Variants in LOXHD1 observed in about 807,000 individuals in gnomAD.
LOXHD1 encodes the protein lipoxygenase homology domain-containing protein 1.
In LOXHD1, 205 loss-of-function variants were observed where a neutral mutation model predicts 248.2. The observed-to-expected ratio is 0.83, with a 90% CI of 0.74 to 0.93. The LOEUF (loss-of-function observed/expected upper bound fraction) is 0.93, where lower values mean the gene tolerates loss of function less well. LOXHD1 is among the 40% of genes least tolerant of loss of function. LOXHD1 has a pLI of 0.00. For missense variants in LOXHD1, 2,930 were observed against 2,971.6 expected, an observed-to-expected ratio of 0.99 and a Z score of 0.33; for synonymous variants, 1,113 against 1,162.8, an observed-to-expected ratio of 0.96 and a Z score of 0.87.
chr18:46,645,917 T>C (rs2039023264), intron 2 of LOXHD1, among the ~76,000 whole-genome samples: 1 of 152,030 alleles, frequency 6.6e-6, no homozygotes, highest in Non-Finnish European at 1.5e-5. Flanking sequence ...GGATGAGACA[T>C]GACGAGAGAT....
At position 46,524,572 on chromosome 18, in the gene LOXHD1, G is replaced by A; in HGVS notation, c.4770C>T (p.Cys1590=). ...KEYTGDRSSN[C]SSPADFWEIA... ...TCTCCCAGAAGTCAGCAGGGCTGCT[G>A]CAGTTGCTGCTGCGGTCCCCAGTGT... Residue 1590 remains cysteine, a synonymous_variant, in exon 31 of 41, where the codon TGC becomes TGT. Transcript: ENST00000642948. 6.4e-7 allele frequency: 1 copy of A among 1,551,760 alleles called. No homozygotes were observed. The highest frequency in any genetic ancestry group is 8.7e-7 in the Non-Finnish European group (1 of 1,147,008).
At chr18:46,641,824 G>A (rs1486522217) in intron 3 of LOXHD1, 132 bp downstream of exon 3, 1 of 875,142 alleles carries the variant, frequency 1.1e-6, no homozygotes, top group Non-Finnish European at 1.8e-6. Flanking sequence ...GGATGACAGG[G>A]AAAGATTTGG....
At chr18:46,549,154 C>A (rs1402672438) in intron 21 of LOXHD1, among the ~76,000 whole-genome samples, 8 of 152,066 alleles carry the variant, frequency 5.3e-5, no homozygotes, top group Non-Finnish European at 1.2e-4. Flanking sequence ...AGGGAGGGGA[C>A]CAGGCAGGGG....
chr18:46,500,791 T>C (rs1055066754), intron 37 of LOXHD1, among the ~76,000 whole-genome samples: 4 of 152,208 alleles, frequency 2.6e-5, no homozygotes, highest in South Asian at 4.1e-4. Context: ...GATTTTTTCC[T>C]GTTTTAGGGC....
At chr18:46,588,111 G>A (rs1246039911) in intron 12 of LOXHD1, among the ~76,000 whole-genome samples, 1 of 152,060 alleles carries the variant, frequency 6.6e-6, no homozygotes, top group African/African-American at 2.4e-5. Flanking sequence ...CTGGGAAAAC[G>A]AAGCATTGTC....
At chr18:46,486,658 T>C (rs1010082779) in intron 38 of LOXHD1, among the ~76,000 whole-genome samples, 1 of 152,080 alleles carries the variant, frequency 6.6e-6, no homozygotes, top group Admixed American at 6.5e-5. Flanking sequence ...AGAGGGATCC[T>C]GGGTGTGGTT....
intron 15 of LOXHD1, among the ~76,000 whole-genome samples, chr18:46,571,045 G>C (rs537044685): frequency 6.6e-6 from 1 of 152,124 alleles, no homozygotes; most frequent in Non-Finnish European, 1.5e-5. Flanking sequence ...GGGGGAATAG[G>C]GGTCCTTTTG....
chr18:46,477,428 G>A lies in LOXHD1; in HGVS notation c.*44C>T, dbSNP rs1310885562. 58 of 1,534,024 alleles carry A rather than the reference G, an allele frequency of 3.8e-5. No homozygotes were observed. Among genetic ancestry groups the A allele is most frequent in the Non-Finnish European group, 4.2e-5 (48 of 1,136,858 alleles). On this transcript the variant is annotated 3_prime_UTR_variant, in exon 41 of 41. Transcript: ENST00000642948. ...GACCGCCAAGGTGGAGGGCAGAAATGTGAGATTGGGGCATCTCAGTGAGAG... is the reference window on the plus strand; with the variant it reads ...GACCGCCAAGGTGGAGGGCAGAAATATGAGATTGGGGCATCTCAGTGAGAG...
chr18:46,615,274 C>A (rs1340969361), intron 5 of LOXHD1, among the ~76,000 whole-genome samples: 1 of 152,176 alleles, frequency 6.6e-6, no homozygotes, highest in East Asian at 1.9e-4. Context: ...ACCTCACAGC[C>A]CAAGGGCCAG....
chr18:46,535,941 T>C (rs1482232112), intron 26 of LOXHD1, among the ~76,000 whole-genome samples: 1 of 152,128 alleles, frequency 6.6e-6, no homozygotes, highest in Non-Finnish European at 1.5e-5. Flanking sequence ...TTGGTGGGCC[T>C]CAGAGAAAGA....
intron 12 of LOXHD1, 26 bp downstream of exon 12, chr18:46,591,907 A>G: frequency 1.9e-6 from 3 of 1,551,312 alleles, no homozygotes; most frequent in South Asian, 1.2e-5. Flanking sequence ...ACTGCCTCCC[A>G]GGATGGAGAG....
intron 36 of LOXHD1, 73 bp from the exon 37 acceptor site, chr18:46,506,096 C>T: frequency 6.7e-7 from 1 of 1,500,150 alleles, no homozygotes; most frequent in Non-Finnish European, 9.0e-7. Context: ...TGGCCTTGAT[C>T]CCGGACTCCT....
At chr18:46,576,700 T>C (rs2037862482) in intron 14 of LOXHD1, among the ~76,000 whole-genome samples, 1 of 152,210 alleles carries the variant, frequency 6.6e-6, no homozygotes, top group Admixed American at 6.5e-5. Flanking sequence ...GAGCTCTTTG[T>C]CATTGACAAA....
At chr18:46,586,648 A>T (rs2038067159) in intron 12 of LOXHD1, among the ~76,000 whole-genome samples, 1 of 152,114 alleles carries the variant, frequency 6.6e-6, no homozygotes, top group South Asian at 2.1e-4. Context: ...GGGTTTCACC[A>T]TGTAGGCCAA....
In LOXHD1 at chr18:46,524,779, G is replaced by A. The variant is rs2035748357; in HGVS notation, c.4669C>T (p.Leu1557=). The change falls in exon 30 of 41, where the codon CTG becomes TTG. Residue 1557 remains leucine (L), a synonymous_variant. Coordinates refer to ENST00000642948, the MANE Select transcript of LOXHD1 (RefSeq NM_001384474.1). ...GAGAGCCAGCGCCCGCATAGGAACAGGAACTCGTCCTCGTTGGTGTCATTC... is the reference window on the plus strand; with the variant it reads ...GAGAGCCAGCGCCCGCATAGGAACAAGAACTCGTCCTCGTTGGTGTCATTC... The part of the protein sequence containing the change: ...IWNDTNEDEF[L]FLCGRWLSLK... The A allele has an allele frequency of 6.4e-7, 1 of 1,551,664 alleles. No individual in the cohort carries two copies. The highest frequency in any genetic ancestry group is 8.7e-7 in the Non-Finnish European group (1 of 1,147,022).
At chr18:46,514,733 C>T (rs2035153871) in intron 34 of LOXHD1, among the ~76,000 whole-genome samples, 1 of 152,130 alleles carries the variant, frequency 6.6e-6, no homozygotes, top group Non-Finnish European at 1.5e-5. Context: ...CCCAGCAGAA[C>T]TCTTTTGTGA....
At chr18:46,486,615 G>T (rs1287272507) in intron 38 of LOXHD1, among the ~76,000 whole-genome samples, 1 of 152,160 alleles carries the variant, frequency 6.6e-6, no homozygotes, top group Non-Finnish European at 1.5e-5. Context: ...GGAGGTGATG[G>T]TCTATTCTGC....
At chr18:46,560,048 T>TGCCGA in intron 19 of LOXHD1, 35 bp downstream of exon 19, 19 of 1,226,292 alleles carry the variant, frequency 1.5e-5, no homozygotes, top group Non-Finnish European at 1.9e-5. Flanking sequence ...GTCTGGCCAC[T>TGCCGA]CCCTCCCCAC....
intron 13 of LOXHD1, among the ~76,000 whole-genome samples, chr18:46,578,576 C>A (rs2037903325): frequency 6.6e-6 from 1 of 152,212 alleles, no homozygotes; most frequent in Non-Finnish European, 1.5e-5. Context: ...CTTCAAATGG[C>A]CATGATCCCA....
Sources: allele counts gnomAD v4.1 joint callset (sites outside exome capture counted in the v4.1 genomes callset), GRCh38; gene constraint gnomAD v4.1.1; transcripts MANE v1.5; gene names NCBI Gene and HGNC (gene_info 2026-07-23, HGNC 2026-07-21).